The following PRMT3 variants were observed in gnomAD, a reference collection of about 807,000 sequenced individuals.
PRMT3 encodes the protein protein arginine methyltransferase 3, also known as protein arginine N-methyltransferase 3.
Under a neutral mutation model 71.9 loss-of-function variants are expected in PRMT3, and 62 were observed. That is an observed-to-expected ratio of 0.86 (90% CI 0.70 to 1.07). PRMT3 has a LOEUF of 1.07. PRMT3 is among the 50% of genes least tolerant of loss of function. PRMT3 has a pLI of 0.00. For missense variants in PRMT3, 663 were observed against 643.0 expected (o/e 1.03, Z -0.34); for synonymous variants, 213 against 220.4 (o/e 0.97, Z 0.30).
intron 10 of PRMT3, among the ~76,000 whole-genome samples, chr11:20,439,144 GA>G (rs1303414381): frequency 6.6e-6 from 1 of 152,212 alleles, no homozygotes; most frequent in Non-Finnish European, 1.5e-5. Flanking sequence ...GGGCAGGACA[GA>G]GTGTCATTTT....
At chr11:20,426,219 C>G (rs935778311) in intron 9 of PRMT3, among the ~76,000 whole-genome samples, 4 of 152,192 alleles carry the variant, frequency 2.6e-5, no homozygotes, top group Non-Finnish European at 5.9e-5. Context: ...ATAGCTTTCA[C>G]AAGTATTTGA....
chr11:20,392,519 G>C (rs1848736471), intron 4 of PRMT3, among the ~76,000 whole-genome samples: 1 of 152,068 alleles, frequency 6.6e-6, no homozygotes, highest in East Asian at 1.9e-4. Context: ...GTCAAATAAA[G>C]GGAAATACTG....
rs758613345 is a variant in PRMT3 at position 20,494,270 on chromosome 11, A to AG, written c.1486+22dup. 5.3e-6 allele frequency: 8 copies of AG among 1,519,298 alleles called. No individual in the cohort carries two copies. In the South Asian group the frequency reaches 9.1e-5, roughly 17 times the overall value. 94.1% of individuals were successfully genotyped at this position (1,519,298 alleles called of 1,614,324 possible). A position where few individuals can be genotyped will look rare whatever the true frequency, so the allele number is the denominator to read the frequency against. Reference sequence around the variant, plus strand: ...GTTAAAGCAGGTGAGAAAGAATAGTAGGGGGGAAGTATCTTATTCATTCTG... The same window carrying AG: ...GTTAAAGCAGGTGAGAAAGAATAGTAGGGGGGGAAGTATCTTATTCATTCTG... On this transcript the variant is annotated intron_variant, in intron 15 of 15. Transcript: ENST00000331079.
At chr11:20,441,853 C>T (rs1036601914) in intron 10 of PRMT3, among the ~76,000 whole-genome samples, 5 of 135,098 alleles carry the variant, frequency 3.7e-5, no homozygotes, top group East Asian at 2.3e-4. Flanking sequence ...AGTGAAATGG[C>T]GTGATCTCGT....
At chr11:20,421,922 A>C (rs1051060354) in intron 9 of PRMT3, among the ~76,000 whole-genome samples, 3 of 152,196 alleles carry the variant, frequency 2.0e-5, no homozygotes, top group African/African-American at 7.2e-5. Context: ...CATAGCATTA[A>C]ATTCTATTGT....
At chr11:20,437,808 C>G (rs11025565) in intron 10 of PRMT3, among the ~76,000 whole-genome samples, 40,885 of 152,008 alleles carry the variant, frequency 0.27, 5,732 homozygotes, top group South Asian at 0.36. Flanking sequence ...CCAGGATGGT[C>G]TCAATCTCCT....
At chr11:20,504,282 C>G (rs1366635752) in intron 15 of PRMT3, among the ~76,000 whole-genome samples, 3 of 152,150 alleles carry the variant, frequency 2.0e-5, no homozygotes, top group Non-Finnish European at 2.9e-5. Flanking sequence ...GCCTTGGCTC[C>G]CTTGTCAAAA....
At chr11:20,471,700 T>G (rs1427654623) in intron 13 of PRMT3, among the ~76,000 whole-genome samples, 2 of 152,068 alleles carry the variant, frequency 1.3e-5, no homozygotes, top group Non-Finnish European at 2.9e-5. Flanking sequence ...TTCAGGCTCT[T>G]TTTTGGTTTT....
rs1012739139 is a variant in PRMT3 at position 20,505,741 on chromosome 11, T to C, written c.1487-2563T>C. ...TGTGTTCAATATACTAATGATCTTT[T>C]ATTTCTTCCTTAGGTTAATGCCTTA... On this transcript the variant is annotated intron_variant, in intron 15 of 15. Coordinates refer to ENST00000331079, the MANE Select transcript of PRMT3 (RefSeq NM_005788.4). Among the ~76,000 whole-genome samples the C allele has an allele frequency of 4.6e-5, 7 of 152,150 alleles. No individual in the cohort carries two copies. In the East Asian group the frequency reaches 1.3e-3, roughly 29 times the overall value.
chr11:20,472,684 TTG>T (rs1458016137), intron 13 of PRMT3, among the ~76,000 whole-genome samples: 2 of 151,558 alleles, frequency 1.3e-5, no homozygotes, highest in Non-Finnish European at 2.9e-5. Context: ...TTTTTTTGTT[TTG>T]TCTCTGCCAG....
intron 11 of PRMT3, among the ~76,000 whole-genome samples, chr11:20,456,739 C>G (rs781441738): frequency 7.2e-5 from 11 of 151,864 alleles, no homozygotes; most frequent in Admixed American, 1.3e-4. Flanking sequence ...AAAAAGACTG[C>G]TAGAATTATG....
chr11:20,491,939 A>G (rs1256651559), intron 13 of PRMT3, among the ~76,000 whole-genome samples: 1 of 152,216 alleles, frequency 6.6e-6, no homozygotes, highest in Non-Finnish European at 1.5e-5. Context: ...AAGTTCAGTT[A>G]GTCAATGCTT....
chr11:20,455,068 T>A (rs2133391469), intron 11 of PRMT3, among the ~76,000 whole-genome samples: 1 of 152,234 alleles, frequency 6.6e-6, no homozygotes, highest in East Asian at 1.9e-4. Flanking sequence ...GCACTAATTG[T>A]GTATCAGGAA....
intron 10 of PRMT3, among the ~76,000 whole-genome samples, chr11:20,440,759 T>C (rs892920138): frequency 2.0e-5 from 3 of 152,170 alleles, no homozygotes; most frequent in Admixed American, 1.3e-4. Context: ...GAGTACTTAC[T>C]GTGTCCCAAG....
intron 13 of PRMT3, among the ~76,000 whole-genome samples, chr11:20,491,346 A>G (rs971277404): frequency 1.3e-5 from 2 of 152,046 alleles, no homozygotes; most frequent in African/African-American, 2.4e-5. Context: ...TTTTCTCCTG[A>G]GAGTTGTTCA....
intron 8 of PRMT3, chr11:20,406,781 C>A (rs887633099): frequency 1.3e-5 from 2 of 152,060 alleles, no homozygotes; most frequent in African/African-American, 4.8e-5. Context: ...CACAAGGGTT[C>A]CAATTTTTCC....
At chr11:20,463,377 T>C (rs576281336) in intron 12 of PRMT3, among the ~76,000 whole-genome samples, 5 of 152,232 alleles carry the variant, frequency 3.3e-5, no homozygotes, top group Admixed American at 3.3e-4. Flanking sequence ...AAGAGTTTAT[T>C]TGGGCTCTTT....
At chr11:20,465,255 A>G (rs1396289795) in intron 13 of PRMT3, among the ~76,000 whole-genome samples, 1 of 152,064 alleles carries the variant, frequency 6.6e-6, no homozygotes, top group Non-Finnish European at 1.5e-5. Context: ...ATAATTTATA[A>G]ATGTTTATTT....
chr11:20,486,777 C>T (rs1006631568), intron 13 of PRMT3, among the ~76,000 whole-genome samples: 4 of 152,190 alleles, frequency 2.6e-5, no homozygotes, highest in Non-Finnish European at 5.9e-5. Flanking sequence ...GACAACTTGG[C>T]TGGGCACAGT....
Sources: gnomAD v4.1 joint callset for allele counts (sites outside exome capture counted in the v4.1 genomes callset) on GRCh38, gnomAD v4.1.1 for gene constraint, MANE v1.5 for transcripts, NCBI Gene and HGNC (gene_info 2026-07-23, HGNC 2026-07-21) for gene names.